The following HTR1F variants were observed in gnomAD, a reference collection of about 807,000 sequenced individuals.
HTR1F encodes the protein 5-hydroxytryptamine receptor 1F.
Under a neutral mutation model 24.0 loss-of-function variants are expected in HTR1F, and 17 were observed. The observed-to-expected ratio is 0.71, with a 90% CI of 0.48 to 1.06. The LOEUF (loss-of-function observed/expected upper bound fraction) is 1.06. Ranked by LOEUF, HTR1F falls within the 50% of genes least tolerant of loss-of-function variation. The pLI, the probability that HTR1F is intolerant of heterozygous loss-of-function variation, is 0.00. For missense variants in HTR1F, 391 were observed against 427.8 expected (o/e 0.91, Z 0.76); for synonymous variants, 186 against 156.8 (o/e 1.19, Z -1.39).
At chr3:87,834,090 A>G (rs1483978108) in intron 2 of HTR1F, among the ~76,000 whole-genome samples, 2 of 152,178 alleles carry the variant, frequency 1.3e-5, no homozygotes, top group African/African-American at 2.4e-5. Context: ...ACTATCTGAT[A>G]GTACTGTTTG....
At chr3:87,980,020 C>A in intron 2 of HTR1F, among the ~76,000 whole-genome samples, 1 of 152,182 alleles carries the variant, frequency 6.6e-6, no homozygotes, top group East Asian at 1.9e-4. Flanking sequence ...CTGGAAAGGC[C>A]ACAACTCTTC....
intron 2 of HTR1F, among the ~76,000 whole-genome samples, chr3:87,864,724 C>T (rs1267715989): frequency 2.6e-5 from 4 of 151,818 alleles, no homozygotes; most frequent in South Asian, 2.1e-4. Flanking sequence ...GGTGAAACAC[C>T]GTCTCTACTA....
intron 2 of HTR1F, among the ~76,000 whole-genome samples, chr3:87,973,861 G>A (rs1283809805): frequency 6.6e-6 from 1 of 152,172 alleles, no homozygotes; most frequent in Non-Finnish European, 1.5e-5. Context: ...TTAGGATAAT[G>A]CAGAAAGAAC....
rs182187421 is a variant in HTR1F at position 87,854,660 on chromosome 3, A to G, written c.-43+32536A>G. 3.3e-5 allele frequency among the ~76,000 whole-genome samples: 5 copies of G among 152,184 alleles called. No individual in the cohort carries two copies. The East Asian group carries it at 9.7e-4, about 29-fold the overall frequency. Reference sequence around the variant, plus strand: ...TATGTAGTGAAATATTTGGAAAAACATATTTGAAAATAATGTATTTTCATT... The same window carrying G: ...TATGTAGTGAAATATTTGGAAAAACGTATTTGAAAATAATGTATTTTCATT... On this transcript the variant is annotated intron_variant, in intron 2 of 2. Coordinates refer to ENST00000319595, the MANE Select transcript of HTR1F (RefSeq NM_001322209.2).
chr3:87,943,977 A>G (rs1240773328), intron 2 of HTR1F, among the ~76,000 whole-genome samples: 3 of 152,194 alleles, frequency 2.0e-5, no homozygotes, highest in Non-Finnish European at 2.9e-5. Flanking sequence ...TCATTTTCCG[A>G]TGAGCATTAG....
intron 2 of HTR1F, among the ~76,000 whole-genome samples, chr3:87,881,679 C>T (rs1329094028): frequency 6.6e-6 from 1 of 152,168 alleles, no homozygotes; most frequent in Non-Finnish European, 1.5e-5. Context: ...GAAAGTGGAT[C>T]CCTTCCTTAC....
chr3:87,849,202 A>G (rs1369991248), intron 2 of HTR1F, among the ~76,000 whole-genome samples: 1 of 151,902 alleles, frequency 6.6e-6, no homozygotes, highest in African/African-American at 2.4e-5. Flanking sequence ...ACCTGACTTC[A>G]AACTATACTA....
chr3:87,816,534 GATTTTCTCAACTC>G (rs1247183754), intron 1 of HTR1F, among the ~76,000 whole-genome samples: 3 of 151,974 alleles, frequency 2.0e-5, no homozygotes, highest in Non-Finnish European at 4.4e-5. Context: ...TTACCATTCT[GATTTTCTCAACTC>G]AGAAGTACTT....
At chr3:87,892,245 A>G (rs1379923426) in intron 2 of HTR1F, among the ~76,000 whole-genome samples, 1 of 152,230 alleles carries the variant, frequency 6.6e-6, no homozygotes, top group Non-Finnish European at 1.5e-5. Context: ...AGGCATAGAT[A>G]AAATTTTGAA....
chr3:87,816,342 G>T (rs563818288), intron 1 of HTR1F, among the ~76,000 whole-genome samples: 1 of 152,002 alleles, frequency 6.6e-6, no homozygotes. Context: ...CATTCTTTCT[G>T]TGTTTTATAG....
intron 2 of HTR1F, among the ~76,000 whole-genome samples, chr3:87,883,921 C>G (rs1705871536): frequency 6.6e-6 from 1 of 152,160 alleles, no homozygotes; most frequent in Non-Finnish European, 1.5e-5. Flanking sequence ...AAACACTCTT[C>G]AGGATATTAT....
intron 2 of HTR1F, among the ~76,000 whole-genome samples, chr3:87,934,740 C>T (rs1250148769): frequency 6.6e-6 from 1 of 152,172 alleles, no homozygotes; most frequent in Non-Finnish European, 1.5e-5. Flanking sequence ...TTTTGCAATG[C>T]TGTATCTCTT....
intron 2 of HTR1F, among the ~76,000 whole-genome samples, chr3:87,831,376 ATTT>A (rs1274935851): frequency 7.1e-6 from 1 of 140,828 alleles, no homozygotes; most frequent in Non-Finnish European, 1.5e-5. Flanking sequence ...TATTATTATT[ATTT>A]TGAGATGGAG....
chr3:87,873,696 G>T (rs1705608931), intron 2 of HTR1F, among the ~76,000 whole-genome samples: 2 of 152,116 alleles, frequency 1.3e-5, no homozygotes, highest in African/African-American at 2.4e-5. Context: ...CTAGCAAACT[G>T]AATTCAACAG....
At chr3:87,977,045 A>C (rs1373217886) in intron 2 of HTR1F, among the ~76,000 whole-genome samples, 2 of 152,212 alleles carry the variant, frequency 1.3e-5, no homozygotes, top group African/African-American at 4.8e-5. Flanking sequence ...ATAGGAGAAT[A>C]TACCATTCCT....
chr3:87,844,679 T>G (rs2107187227), intron 2 of HTR1F, among the ~76,000 whole-genome samples: 1 of 137,284 alleles, frequency 7.3e-6, no homozygotes, highest in African/African-American at 3.0e-5. Context: ...GTTTAAGTCT[T>G]TAATCCATCT....
At chr3:87,793,807 T>C (rs1703856855) in intron 1 of HTR1F, among the ~76,000 whole-genome samples, 1 of 152,162 alleles carries the variant, frequency 6.6e-6, no homozygotes, top group Admixed American at 6.5e-5. Flanking sequence ...TTCCTGCATG[T>C]TAATTACTTC....
intron 2 of HTR1F, among the ~76,000 whole-genome samples, chr3:87,966,567 A>G (rs1705167013): frequency 6.6e-6 from 1 of 152,242 alleles, no homozygotes; most frequent in Admixed American, 6.5e-5. Context: ...ATGACAATTA[A>G]TATTAGGCAG....
intron 2 of HTR1F, among the ~76,000 whole-genome samples, chr3:87,861,745 A>G (rs1705323095): frequency 6.6e-6 from 1 of 152,146 alleles, no homozygotes; most frequent in Admixed American, 6.6e-5. Context: ...TAGCTCTTCT[A>G]CTTACATAAA....
Sources: gnomAD v4.1 joint callset for allele counts (sites outside exome capture counted in the v4.1 genomes callset) on GRCh38, gnomAD v4.1.1 for gene constraint, MANE v1.5 for transcripts, NCBI Gene and HGNC (gene_info 2026-07-23, HGNC 2026-07-21) for gene names.